The following PDE6B variants were observed in gnomAD, a reference collection of about 807,000 sequenced individuals.
PDE6B encodes rod cGMP-specific 3',5'-cyclic phosphodiesterase subunit beta.
Under a neutral mutation model 109.0 loss-of-function variants are expected in PDE6B, and 106 were observed. The ratio of observed to expected loss-of-function variants is 0.97; its 90% CI spans 0.83 to 1.14. PDE6B has a LOEUF of 1.14. PDE6B is among the 50% of genes most tolerant of loss of function. PDE6B has a pLI of 0.00. For missense variants in PDE6B, 1,193 were observed against 1,155.6 expected, an observed-to-expected ratio of 1.03 and a Z score of -0.47; for synonymous variants, 490 against 471.3, an observed-to-expected ratio of 1.04 and a Z score of -0.51.
chr4:666,509 C>A lies in PDE6B; in HGVS notation c.2269-22C>A. 6.3e-7 allele frequency: 1 copy of A among 1,575,336 alleles called. No individual in the cohort carries two copies. ...GCTGCCTCCCTGGTCACTGTTCTCC[C>A]GCCCTCTGTTCCTCCCACCAGCCTA... On this transcript the variant is annotated intron_variant, in intron 19 of 21. Coordinates refer to ENST00000496514, the MANE Select transcript of PDE6B (RefSeq NM_000283.4). This position sits in a 1 kb window ranked among gnomAD's most constrained non-coding sequence, Gnocchi z 5.6.
In PDE6B at chr4:626,041, G is replaced by T. The variant is rs545001524; in HGVS notation, c.415G>T (p.Val139Leu). The change falls in exon 1 of 22, where the codon GTG (valine) becomes TTG (leucine). Residue 139 changes from valine (V) to leucine (L), a missense_variant. Coordinates refer to ENST00000496514, the MANE Select transcript of PDE6B (RefSeq NM_000283.4). The surrounding 1 kb of genome is among the most constrained non-coding windows in gnomAD (Gnocchi z 4.6). The part of the protein sequence containing the change: ...EIVFPLDIGV[V>L]GHVAQTKKMV... ...CGTCTTCCCACTGGACATCGGGGTC[G>T]TGGGCCACGTGGCTCAGACCAAAAA... The T allele has an allele frequency of 2.5e-6, 4 of 1,595,068 alleles. No individual in the cohort carries two copies. The highest frequency in any genetic ancestry group is 4.5e-5 in the East Asian group (2 of 43,982).
rs185030916 is a variant in PDE6B at position 664,596 on chromosome 4, A to T, written c.2130-285A>T. ...CTTGGGAGGCCGAGGGGAGTGGATCACCTGAGGTCAGGAGTTCGAGATCAG... is the reference window on the plus strand; with the variant it reads ...CTTGGGAGGCCGAGGGGAGTGGATCTCCTGAGGTCAGGAGTTCGAGATCAG... On this transcript the variant is annotated intron_variant, in intron 17 of 21. Transcript: ENST00000496514. Among the ~76,000 whole-genome samples the T allele has an allele frequency of 6.3e-4, 96 of 152,288 alleles. 1 individual carries two copies. Among genetic ancestry groups the T allele is most frequent in the African/African-American group, 1.8e-3 (73 of 41,552 alleles).
chr4:637,197 C>T (rs1323829849), intron 3 of PDE6B, among the ~76,000 whole-genome samples: 1 of 151,804 alleles, frequency 6.6e-6, no homozygotes, highest in Non-Finnish European at 1.5e-5. Context: ...TACGTGACCC[C>T]ATCACTGTGG....
In PDE6B at chr4:660,470, G is replaced by A. The variant is rs2109242332; in HGVS notation, c.1471G>A (p.Glu491Lys). The A allele has an allele frequency of 1.2e-6, 2 of 1,613,928 alleles. No homozygotes were observed. The highest frequency in any genetic ancestry group is 2.7e-5 in the African/African-American group (2 of 75,058). Residue 491 changes from glutamate to lysine, a missense_variant, in exon 12 of 22, where the codon GAG (glutamate) becomes AAG (lysine). Coordinates refer to ENST00000496514, the MANE Select transcript of PDE6B (RefSeq NM_000283.4). ...DEDELGEILK[E>K]ELPGPTTFDI... ...CAGCCCACAATCCCTCCCACAGAAG[G>A]AGGAGCTGCCAGGGCCCACCACATT...
At position 654,582 on chromosome 4, in the gene PDE6B, C is replaced by T. The variant is rs573576737; in HGVS notation, c.928-242C>T. 4.7e-5 allele frequency: 29 copies of T among 619,376 alleles called. 1 individual carries two copies. Among genetic ancestry groups the T allele is most frequent in the Middle Eastern group, 8.6e-4 (2 of 2,328 alleles). The allele number at this position is 619,376 out of a possible 1,614,324, so 38.4% of individuals were successfully genotyped here. A position where few individuals can be genotyped will look rare whatever the true frequency, so the allele number is the denominator to read the frequency against. ...ATGCGTGTCCCGTGAGTATTGGGGA[C>T]GGTCTGCATGTGTGTGCACCCTGAG... On this transcript the variant is annotated intron_variant, in intron 5 of 21. Coordinates refer to ENST00000496514, the MANE Select transcript of PDE6B (RefSeq NM_000283.4).
rs1734556474 is a variant in PDE6B, at chr4:634,688, C to G, written c.480C>G (p.Phe160Leu). 3.1e-6 allele frequency: 5 copies of G among 1,612,646 alleles called. No homozygotes were observed. Among genetic ancestry groups the G allele is most frequent in the East Asian group, 2.2e-5 (1 of 44,888 alleles). ...CTCTCTTGCGGCAGTGCCCTCACTT[C>G]AGCTCATTTGCTGACGAGCTCACTG... ...NVEDVAECPH[F>L]SSFADELTDY... The change falls in exon 2 of 22, where the codon TTC (phenylalanine) becomes TTG (leucine). Residue 160 changes from phenylalanine to leucine, a missense_variant. By Grantham distance (22) the Phe-to-Leu change is conservative (BLOSUM62 0). Coordinates refer to ENST00000496514, the MANE Select transcript of PDE6B (RefSeq NM_000283.4).
At chr4:638,831 G>A (rs944719611) in intron 3 of PDE6B, among the ~76,000 whole-genome samples, 11 of 152,228 alleles carry the variant, frequency 7.2e-5, no homozygotes, top group African/African-American at 1.7e-4. Context: ...GGGCAGCCTC[G>A]TGCCTAATTA....
In PDE6B at chr4:625,915, T is replaced by C; in HGVS notation, c.289T>C (p.Tyr97His). The C allele has an allele frequency of 6.2e-7, 1 of 1,601,904 alleles. No individual in the cohort carries two copies. The highest frequency in any genetic ancestry group is 8.5e-7 in the Non-Finnish European group (1 of 1,174,846). Residue 97 changes from tyrosine to histidine, a missense_variant, in exon 1 of 22, where the codon TAC becomes CAC. By Grantham distance (83) the Tyr-to-His change is moderately conservative (BLOSUM62 2). Transcript: ENST00000496514. This position sits in a 1 kb window ranked among gnomAD's most constrained non-coding sequence, Gnocchi z 5.0. ...GGCCGACCGCTGCAGCCTCTTCATG[T>C]ACCGCCAGCGCAACGGCGTGGCCGA... Reference protein sequence around the residue: ...LQADRCSLFMYRQRNGVAELA... With the variant: ...LQADRCSLFMHRQRNGVAELA...
In PDE6B at chr4:665,321, C is replaced by A; in HGVS notation, c.2260C>A (p.Gln754Lys). 1 of 1,610,376 alleles carries A rather than the reference C, an allele frequency of 6.2e-7. No homozygotes were observed. The highest frequency in any genetic ancestry group is 8.5e-7 in the Non-Finnish European group (1 of 1,177,410). ...CTTGGAAAGGACAGTCTTGGATCAGCAGCCCATTGTGAGTGCTGCTTCTGG... is the reference window on the plus strand; with the variant it reads ...CTTGGAAAGGACAGTCTTGGATCAGAAGCCCATTGTGAGTGCTGCTTCTGG... ...GDLERTVLDQ[Q>K]PIPMMDRNKA... The change falls in exon 19 of 22, where the codon CAG (glutamine) becomes AAG (lysine). Residue 754 changes from glutamine to lysine, a missense_variant. Gln to Lys is a moderately conservative substitution (Grantham distance 53). Coordinates refer to ENST00000496514, the MANE Select transcript of PDE6B (RefSeq NM_000283.4). The surrounding 1 kb of genome is among the most constrained non-coding windows in gnomAD (Gnocchi z 4.0).
intron 3 of PDE6B, among the ~76,000 whole-genome samples, chr4:650,383 C>T (rs1043746924): frequency 3.3e-5 from 5 of 152,252 alleles, no homozygotes; most frequent in Non-Finnish European, 7.3e-5. Context: ...CCAGGACAGG[C>T]AGACCCCAGG....
At chr4:628,861 C>G (rs539057357) in intron 1 of PDE6B, among the ~76,000 whole-genome samples, 18 of 152,340 alleles carry the variant, frequency 1.2e-4, no homozygotes, top group African/African-American at 4.3e-4. Context: ...CAGAACCCCA[C>G]GACTACACAT....
Position 662,731 on chromosome 4 carries a change from C to G in PDE6B, c.1832+113C>G, listed in dbSNP as rs1338721576. On this transcript the variant is annotated intron_variant, in intron 14 of 21. Transcript: ENST00000496514. This position sits in a 1 kb window ranked among gnomAD's most constrained non-coding sequence, Gnocchi z 4.3. ...AGAAAGTGGAGTCCACGGCCAGGCCCCGTACTCCAGCACTGTGGGAGGCCA... is the reference window on the plus strand; with the variant it reads ...AGAAAGTGGAGTCCACGGCCAGGCCGCGTACTCCAGCACTGTGGGAGGCCA... 1 of 762,742 alleles carries G rather than the reference C, an allele frequency of 1.3e-6. No homozygotes were observed. Among genetic ancestry groups the G allele is most frequent in the East Asian group, 2.7e-5 (1 of 37,530 alleles). The allele number at this position is 762,742 out of a possible 1,614,324, so 47.2% of individuals were successfully genotyped here.
chr4:668,640 C>A (rs1226695848), intron 21 of PDE6B, among the ~76,000 whole-genome samples: 2 of 132,278 alleles, frequency 1.5e-5, no homozygotes, highest in Non-Finnish European at 3.2e-5. Context: ...ATTCCCGCTA[C>A]CCCATGCTGC....
At chr4:637,660 T>C (rs1264012647) in intron 3 of PDE6B, among the ~76,000 whole-genome samples, 1 of 152,256 alleles carries the variant, frequency 6.6e-6, no homozygotes, top group Admixed American at 6.5e-5. Context: ...CCGGCTGTGC[T>C]TGTTGCCGGG....
intron 1 of PDE6B, among the ~76,000 whole-genome samples, chr4:627,813 C>T (rs1009087790): frequency 3.3e-5 from 5 of 152,092 alleles, no homozygotes; most frequent in Admixed American, 6.5e-5. Flanking sequence ...CTTTCTTGCC[C>T]CCAGGAGTTT....
At chr4:660,943 A>G (rs113457912) in intron 12 of PDE6B, among the ~76,000 whole-genome samples, 238 of 3,320 alleles carry the variant, frequency 0.072, no homozygotes, top group Middle Eastern at 0.25. Flanking sequence ...AGAATAAATG[A>G]ATGGATGGGT....
At chr4:669,133 TCCCC>T (rs1738157298) in intron 21 of PDE6B, among the ~76,000 whole-genome samples, 1 of 306 alleles carries the variant, frequency 3.3e-3, no homozygotes, top group Non-Finnish European at 6.3e-3. Flanking sequence ...CCCACGCTAT[TCCCC>T]TACCCCATGC....
At chr4:660,256 G>A (rs1481678452) in intron 11 of PDE6B, among the ~76,000 whole-genome samples, 1 of 152,172 alleles carries the variant, frequency 6.6e-6, no homozygotes, top group African/African-American at 2.4e-5. Context: ...CTTCACTGTT[G>A]GGCCACAGGG....
At chr4:628,325 C>T (rs537602772) in intron 1 of PDE6B, among the ~76,000 whole-genome samples, 281 of 152,316 alleles carry the variant, frequency 1.8e-3, no homozygotes, top group African/African-American at 6.5e-3. Context: ...CTTTGGAGGG[C>T]GTGAGCCGCA....
Sources: gnomAD v4.1 joint callset for allele counts (sites outside exome capture counted in the v4.1 genomes callset) on GRCh38, gnomAD v4.1.1 for gene constraint, Gnocchi (gnomAD v3.1) non-coding constraint, MANE v1.5 for transcripts, NCBI Gene and HGNC (gene_info 2026-07-23, HGNC 2026-07-21) for gene names.